SEL1L: variants seen among roughly 807,000 people sequenced by gnomAD.
SEL1L encodes the protein SEL1L adaptor subunit of SYVN1 ubiquitin ligase.
In SEL1L, 52 loss-of-function variants were observed where a neutral mutation model predicts 109.8. The observed-to-expected ratio is 0.47, with a 90% confidence interval of 0.38 to 0.60. SEL1L has a LOEUF of 0.60. SEL1L is among the 20% of genes least tolerant of loss of function. SEL1L has a pLI of 0.00. For synonymous variants in SEL1L, 373 were observed against 339.6 expected (o/e 1.10, Z -1.08); for missense variants, 749 against 962.2 (o/e 0.78, Z 2.93).
chr14:81,524,586 G>A (rs1885041742), intron 3 of SEL1L, among the ~76,000 whole-genome samples: 1 of 152,138 alleles, frequency 6.6e-6, no homozygotes, highest in Admixed American at 6.5e-5. Context: ...AAAAACAAAG[G>A]AGGGGCTGGG....
intron 19 of SEL1L, among the ~76,000 whole-genome samples, chr14:81,482,627 A>C (rs555094713): frequency 4.9e-4 from 74 of 152,312 alleles, no homozygotes; most frequent in African/African-American, 1.7e-3. Flanking sequence ...AGTGGCAGAG[A>C]TCTTCCAGAA....
At chr14:81,531,507 G>T (rs1595541739) in intron 1 of SEL1L, among the ~76,000 whole-genome samples, 1 of 152,176 alleles carries the variant, frequency 6.6e-6, no homozygotes, top group East Asian at 1.9e-4. Flanking sequence ...AATCACAATT[G>T]AAAATCCATA....
At position 81,479,421 on chromosome 14, in the gene SEL1L, C is replaced by T. The variant is rs534513550; in HGVS notation, c.2175+191G>A. The T allele has an allele frequency of 1.1e-4, 46 of 401,622 alleles. No individual in the cohort carries two copies. In the East Asian group the frequency reaches 1.8e-3, roughly 16 times the overall value. 24.9% of individuals were successfully genotyped at this position (401,622 alleles called of 1,614,324 possible). On this transcript the variant is annotated intron_variant, in intron 20 of 20. Transcript: ENST00000336735. The stretch of plus-strand genomic sequence containing the variant: ...AGTGTCAAACGCTACCTAAAAACTG[C>T]AGTAGCTGCTTTATGCCTGCATTTA...
At chr14:81,491,764 C>T (rs1883545501) in intron 12 of SEL1L, among the ~76,000 whole-genome samples, 3 of 152,102 alleles carry the variant, frequency 2.0e-5, no homozygotes, top group Admixed American at 1.3e-4. Flanking sequence ...ATGTTCTGTT[C>T]CCTTGATTGA....
At chr14:81,532,224 C>T (rs986336800) in intron 1 of SEL1L, among the ~76,000 whole-genome samples, 1 of 152,292 alleles carries the variant, frequency 6.6e-6, no homozygotes, top group East Asian at 1.9e-4. Context: ...GGGATACACA[C>T]CGTGCTCTTT....
At chr14:81,489,059 G>C (rs1001535109) in intron 14 of SEL1L, 193 bp downstream of exon 14, 1 of 632,744 alleles carries the variant, frequency 1.6e-6, no homozygotes, top group African/African-American at 1.8e-5. Flanking sequence ...ACACAGAGCT[G>C]TTCTAAGACA....
chr14:81,533,294 T>C (rs568352652), intron 1 of SEL1L, among the ~76,000 whole-genome samples: 1 of 152,328 alleles, frequency 6.6e-6, no homozygotes, highest in African/African-American at 2.4e-5. Flanking sequence ...TTGTCAATTA[T>C]TTAACTTACA....
At chr14:81,483,315 T>G (rs1459250178) in intron 19 of SEL1L, among the ~76,000 whole-genome samples, 1 of 152,234 alleles carries the variant, frequency 6.6e-6, no homozygotes, top group African/African-American at 2.4e-5. Context: ...TCAAAATGTA[T>G]TTTGTAGATT....
intron 12 of SEL1L, among the ~76,000 whole-genome samples, chr14:81,491,680 GT>G (rs1160087081): frequency 1.3e-5 from 2 of 152,146 alleles, no homozygotes; most frequent in African/African-American, 4.8e-5. Context: ...TTTATACTAT[GT>G]TTCAAAATAA....
At chr14:81,512,727 A>C (rs1884537028) in intron 3 of SEL1L, among the ~76,000 whole-genome samples, 1 of 152,172 alleles carries the variant, frequency 6.6e-6, no homozygotes, top group Non-Finnish European at 1.5e-5. Context: ...GGATTTTTTT[A>C]TTTACAACAA....
rs967325635 is a variant in SEL1L, at chr14:81,472,893, G to T, written c.*4079C>A. ...AAAAAGTCTGTCTGGAAAGGTGCTT[G>T]GTTGTGGTATATTACAGCATACAGG... On this transcript the variant is annotated 3_prime_UTR_variant, in exon 21 of 21. Coordinates refer to ENST00000336735, the MANE Select transcript of SEL1L (RefSeq NM_005065.6). 35 of 233,032 alleles carry T rather than the reference G, an allele frequency of 1.5e-4. No homozygotes were observed. Among genetic ancestry groups the T allele is most frequent in the African/African-American group, 8.2e-4 (35 of 42,700 alleles). 14.4% of individuals were successfully genotyped at this position (233,032 alleles called of 1,614,324 possible). A position where few individuals can be genotyped will look rare whatever the true frequency, so the allele number is the denominator to read the frequency against.
At chr14:81,488,240 C>T (rs1399201784) in intron 14 of SEL1L, among the ~76,000 whole-genome samples, 1 of 152,142 alleles carries the variant, frequency 6.6e-6, no homozygotes, top group Non-Finnish European at 1.5e-5. Flanking sequence ...AGTCAATCTT[C>T]TCTGCTAACC....
Position 81,476,915 on chromosome 14 carries a change from T to C in SEL1L, c.*57A>G. On this transcript the variant is annotated 3_prime_UTR_variant, in exon 21 of 21. Coordinates refer to ENST00000336735, the MANE Select transcript of SEL1L (RefSeq NM_005065.6). ...TCCAAGGTCCTAAATCAAATGCAAG[T>C]GTTCCCAGCAGATAACTTCCTTCGC... 6.4e-7 allele frequency: 1 copy of C among 1,563,930 alleles called. No individual in the cohort carries two copies. Among genetic ancestry groups the C allele is most frequent in the Non-Finnish European group, 8.8e-7 (1 of 1,141,924 alleles).
chr14:81,478,228 GA>G lies in SEL1L; in HGVS notation c.2176-1048del, dbSNP rs1041842461. On this transcript the variant is annotated intron_variant, in intron 20 of 20. Coordinates refer to ENST00000336735, the MANE Select transcript of SEL1L (RefSeq NM_005065.6). ...TAGGTACAGGTGCTAAATTTTTCTG[GA>G]AAAAAAATGACAAGAAACCACTAAT... 8.6e-5 allele frequency among the ~76,000 whole-genome samples: 13 copies of G among 151,780 alleles called. No homozygotes were observed. In the East Asian group the frequency reaches 2.3e-3, roughly 27 times the overall value.
At chr14:81,492,573 T>C (rs751154966) in intron 11 of SEL1L, 25 bp from the exon 12 acceptor site, 44 of 1,487,568 alleles carry the variant, frequency 3.0e-5, no homozygotes, top group Non-Finnish European at 3.9e-5. Flanking sequence ...TTTATTAAAA[T>C]AATTAGTTTT....
At chr14:81,510,474 C>CGA (rs1566619684) in intron 3 of SEL1L, among the ~76,000 whole-genome samples, 2 of 76,746 alleles carry the variant, frequency 2.6e-5, no homozygotes, top group Non-Finnish European at 4.5e-5. Flanking sequence ...GAATGCTGAT[C>CGA]TCTCTCTCTC....
At chr14:81,520,828 C>G (rs1205819758) in intron 3 of SEL1L, among the ~76,000 whole-genome samples, 2 of 152,140 alleles carry the variant, frequency 1.3e-5, no homozygotes, top group East Asian at 3.8e-4. Context: ...ATATCACATA[C>G]ACTATGTAAT....
chr14:81,481,216 T>C (rs2139983905), intron 19 of SEL1L, among the ~76,000 whole-genome samples: 1 of 152,250 alleles, frequency 6.6e-6, no homozygotes, highest in Non-Finnish European at 1.5e-5. Context: ...TGGTGGGAAT[T>C]TTCACTTAAA....
At chr14:81,487,779 C>T (rs2139994857) in intron 15 of SEL1L, 76 bp downstream of exon 15, 8 of 1,582,344 alleles carry the variant, frequency 5.1e-6, no homozygotes, top group African/African-American at 1.4e-5. Context: ...CCCATTTCCA[C>T]ATCATAATGC....
Sources: allele counts gnomAD v4.1 joint callset (sites outside exome capture counted in the v4.1 genomes callset), GRCh38; gene constraint gnomAD v4.1.1; transcripts MANE v1.5; gene names NCBI Gene and HGNC (gene_info 2026-07-23, HGNC 2026-07-21).